The following PTPRM variants were observed in gnomAD, a reference collection of about 807,000 sequenced individuals.
PTPRM encodes protein tyrosine phosphatase receptor type M.
Under a neutral mutation model 186.7 loss-of-function variants are expected in PTPRM, and 47 were observed. The observed-to-expected ratio is 0.25, with a 90% confidence interval of 0.20 to 0.32. PTPRM has a LOEUF of 0.32. PTPRM is among the 10% of genes least tolerant of loss of function. PTPRM has a pLI of 1.00. For missense variants in PTPRM, 1,494 were observed against 1,865.0 expected (o/e 0.80, Z 3.66); for synonymous variants, 668 against 674.9 (o/e 0.99, Z 0.16).
At chr18:7,650,446 C>A (rs1447656848) in intron 1 of PTPRM, among the ~76,000 whole-genome samples, 4 of 64,360 alleles carry the variant, frequency 6.2e-5, no homozygotes, top group Admixed American at 1.7e-4. Context: ...CTTTCAAATC[C>A]CCCCCCCCCC....
chr18:8,342,147 G>T (rs1187186388), intron 22 of PTPRM, among the ~76,000 whole-genome samples: 1 of 152,208 alleles, frequency 6.6e-6, no homozygotes, highest in Admixed American at 6.5e-5. Context: ...CACAAGAACC[G>T]ATTGCTAATT....
intron 1 of PTPRM, among the ~76,000 whole-genome samples, chr18:7,575,985 C>T (rs1437454442): frequency 6.6e-6 from 1 of 152,012 alleles, no homozygotes; most frequent in African/African-American, 2.4e-5. Context: ...GGCTTCCTTT[C>T]GAAACTGGGG....
At chr18:8,092,078 A>G (rs1401781489) in intron 11 of PTPRM, among the ~76,000 whole-genome samples, 1 of 151,996 alleles carries the variant, frequency 6.6e-6, no homozygotes, top group Admixed American at 6.6e-5. Context: ...TTTAATCCGT[A>G]TTCATTGATG....
chr18:7,774,132 A>G lies in PTPRM; in HGVS notation c.74-17A>G, dbSNP rs937755460. Reference sequence around the variant, plus strand: ...CTGGTTGGTATTTACATTACTTTTTATTCTTTTACATTTTAGGTGGCTGCC... The same window carrying G: ...CTGGTTGGTATTTACATTACTTTTTGTTCTTTTACATTTTAGGTGGCTGCC... On this transcript the variant is annotated splice_polypyrimidine_tract_variant and intron_variant, in intron 1 of 32. Transcript: ENST00000580170. 1.7e-5 allele frequency: 27 copies of G among 1,598,456 alleles called. No homozygotes were observed. Among genetic ancestry groups the G allele is most frequent in the Middle Eastern group, 3.3e-4 (2 of 6,032 alleles).
intron 14 of PTPRM, among the ~76,000 whole-genome samples, chr18:8,174,863 T>C (rs2093458630): frequency 1.3e-5 from 2 of 152,194 alleles, no homozygotes; most frequent in African/African-American, 4.8e-5. Context: ...AAGAATCAAA[T>C]TAATTGCAAC....
chr18:7,982,838 A>G (rs933928360), intron 7 of PTPRM, among the ~76,000 whole-genome samples: 1 of 152,036 alleles, frequency 6.6e-6, no homozygotes. Context: ...GTTGATGGAA[A>G]TGTTGTTATG....
At chr18:8,343,847 T>G (rs2095488722) in intron 23 of PTPRM, among the ~76,000 whole-genome samples, 1 of 116,664 alleles carries the variant, frequency 8.6e-6, no homozygotes, top group Admixed American at 8.6e-5. Context: ...GCATTAGACA[T>G]GACTACCTTC....
chr18:8,082,489 T>TTCTCCCTCCTTC (rs1395283695), intron 9 of PTPRM, among the ~76,000 whole-genome samples: 6 of 137,608 alleles, frequency 4.4e-5, no homozygotes, highest in Non-Finnish European at 7.9e-5. Context: ...CTCCCTCCTT[T>TTCTCCCTCCTTC]TCTCCCTCCT....
At chr18:8,052,193 A>G (rs1012757878) in intron 7 of PTPRM, among the ~76,000 whole-genome samples, 4 of 152,086 alleles carry the variant, frequency 2.6e-5, no homozygotes, top group African/African-American at 9.7e-5. Flanking sequence ...TCTTTCTCAA[A>G]TTTCTCTGAT....
At chr18:8,375,070 TA>T (rs996636043) in intron 24 of PTPRM, among the ~76,000 whole-genome samples, 3 of 152,240 alleles carry the variant, frequency 2.0e-5, no homozygotes, top group African/African-American at 7.2e-5. Flanking sequence ...TCTTTTGCTT[TA>T]AAACACAGTC....
At chr18:7,599,195 T>G (rs977730212) in intron 1 of PTPRM, among the ~76,000 whole-genome samples, 1 of 152,186 alleles carries the variant, frequency 6.6e-6, no homozygotes, top group Non-Finnish European at 1.5e-5. Flanking sequence ...TTTGAAGTCT[T>G]TATTAGAAAA....
chr18:7,873,980 T>A (rs187066559), intron 2 of PTPRM, among the ~76,000 whole-genome samples: 127 of 150,952 alleles, frequency 8.4e-4, no homozygotes, highest in African/African-American at 3.0e-3. Flanking sequence ...GTAGCAGGTG[T>A]CGAAAGTGTA....
chr18:7,652,113 A>T (rs922231473), intron 1 of PTPRM, among the ~76,000 whole-genome samples: 3 of 152,250 alleles, frequency 2.0e-5, no homozygotes, highest in African/African-American at 7.2e-5. Context: ...CACTCTTCTC[A>T]AAAGAAGACA....
At chr18:7,592,776 TTTGA>T (rs1200272891) in intron 1 of PTPRM, among the ~76,000 whole-genome samples, 1 of 151,952 alleles carries the variant, frequency 6.6e-6, no homozygotes, top group Non-Finnish European at 1.5e-5. Flanking sequence ...ATTCCCAGGG[TTTGA>T]TTGATAAATA....
chr18:8,405,164 A>AAAG (rs2095897235), intron 32 of PTPRM: 2 of 145,990 alleles, frequency 1.4e-5, no homozygotes, highest in Admixed American at 1.3e-4. Context: ...TGTTTCTTAA[A>AAAG]AAGAAAAAAA....
At chr18:7,847,684 C>A (rs904893413) in intron 2 of PTPRM, among the ~76,000 whole-genome samples, 2 of 152,148 alleles carry the variant, frequency 1.3e-5, no homozygotes, top group Non-Finnish European at 2.9e-5. Flanking sequence ...AAGCTTATCC[C>A]CCTACAACTA....
At chr18:7,937,543 G>A (rs1394167487) in intron 5 of PTPRM, among the ~76,000 whole-genome samples, 7 of 152,202 alleles carry the variant, frequency 4.6e-5, no homozygotes, top group Admixed American at 2.6e-4. Flanking sequence ...AGTGTCAGCC[G>A]AGCGCAGCCT....
chr18:7,568,745 C>G lies in PTPRM; in HGVS notation c.73+854C>G, dbSNP rs892847649. Among the ~76,000 whole-genome samples, 1 of 152,216 alleles carries G rather than the reference C, an allele frequency of 6.6e-6. No individual in the cohort carries two copies. The highest frequency in any genetic ancestry group is 6.5e-5 in the Admixed American group (1 of 15,296). Reference sequence around the variant, plus strand: ...GCGCGTGTGTGCCTGCACGCGCGCGCGGGGGCGTTCTAAGCCCAGAGGAAC... The same window carrying G: ...GCGCGTGTGTGCCTGCACGCGCGCGGGGGGGCGTTCTAAGCCCAGAGGAAC... On this transcript the variant is annotated intron_variant, in intron 1 of 32. Transcript: ENST00000580170. The surrounding 1 kb of genome is among the most constrained non-coding windows in gnomAD (Gnocchi z 5.1).
At chr18:7,834,478 C>A in intron 2 of PTPRM, among the ~76,000 whole-genome samples, 2 of 9,758 alleles carry the variant, frequency 2.0e-4, no homozygotes, top group East Asian at 5.4e-3. Context: ...AAATACAGGC[C>A]AATATACAAG....
Sources: gnomAD v4.1 joint callset for allele counts (sites outside exome capture counted in the v4.1 genomes callset) on GRCh38, gnomAD v4.1.1 for gene constraint, Gnocchi (gnomAD v3.1) non-coding constraint, MANE v1.5 for transcripts, NCBI Gene and HGNC (gene_info 2026-07-23, HGNC 2026-07-21) for gene names.